The following PALM2AKAP2 variants were observed in gnomAD, a reference collection of about 807,000 sequenced individuals.
PALM2AKAP2 encodes PALM2-AKAP2 fusion protein.
PALM2AKAP2 carries 37 observed loss-of-function variants against 71.5 expected under a neutral mutation model. That is an observed-to-expected ratio of 0.52 (90% CI 0.40 to 0.68). The LOEUF is 0.68. Among genes scored for constraint, PALM2AKAP2 ranks in the 30% least tolerant of loss-of-function variants. PALM2AKAP2 has a pLI of 0.00. For missense variants in PALM2AKAP2, 1,224 were observed against 1,191.8 expected, an observed-to-expected ratio of 1.03 and a Z score of -0.40; for synonymous variants, 468 against 478.8, an observed-to-expected ratio of 0.98 and a Z score of 0.29.
chr9:110,139,185 G>A (rs1197331043), intron 2 of PALM2AKAP2, among the ~76,000 whole-genome samples: 2 of 152,200 alleles, frequency 1.3e-5, no homozygotes, highest in African/African-American at 2.4e-5. Context: ...CTTCACAAAG[G>A]CAGGTCTTTA....
chr9:109,796,690 G>A (rs1479024053), intron 1 of PALM2AKAP2, among the ~76,000 whole-genome samples: 2 of 151,394 alleles, frequency 1.3e-5, no homozygotes, highest in African/African-American at 4.8e-5. Flanking sequence ...GGCAACAGGT[G>A]AGAGAGATCA....
chr9:109,966,353 A>T (rs1831948616), intron 6 of PALM2AKAP2, among the ~76,000 whole-genome samples: 1 of 152,244 alleles, frequency 6.6e-6, no homozygotes, highest in Non-Finnish European at 1.5e-5. Flanking sequence ...ATCAAGGAAG[A>T]GGTGGCAAAG....
intron 3 of PALM2AKAP2, 82 bp from the exon 4 acceptor site, chr9:109,923,653 C>A: frequency 7.0e-7 from 1 of 1,420,478 alleles, no homozygotes; most frequent in South Asian, 1.4e-5. Context: ...AGGTACAAAT[C>A]GCCCAACAGG....
At chr9:109,795,823 A>G (rs1486226027) in intron 1 of PALM2AKAP2, among the ~76,000 whole-genome samples, 1 of 152,176 alleles carries the variant, frequency 6.6e-6, no homozygotes, top group Non-Finnish European at 1.5e-5. Context: ...AGCCTTGTGT[A>G]TTTGTTAGGG....
At chr9:110,145,610 T>A (rs1003175331) in intron 2 of PALM2AKAP2, among the ~76,000 whole-genome samples, 4 of 152,070 alleles carry the variant, frequency 2.6e-5, no homozygotes, top group Non-Finnish European at 4.4e-5. Context: ...TACGTACTGT[T>A]CTCCTTGCCT....
chr9:110,159,481 G>A (rs1439197979), intron 3 of PALM2AKAP2, among the ~76,000 whole-genome samples: 1 of 152,186 alleles, frequency 6.6e-6, no homozygotes, highest in Non-Finnish European at 1.5e-5. Context: ...CCATGTGTTT[G>A]CCCATCGAAA....
chr9:109,933,962 C>T (rs1831166884), intron 6 of PALM2AKAP2, among the ~76,000 whole-genome samples: 1 of 152,164 alleles, frequency 6.6e-6, no homozygotes, highest in Admixed American at 6.5e-5. Context: ...AGATACAGTC[C>T]ATCTTGCTTT....
At chr9:110,061,177 C>T (rs943447085) in intron 1 of PALM2AKAP2, among the ~76,000 whole-genome samples, 10 of 152,228 alleles carry the variant, frequency 6.6e-5, no homozygotes, top group Middle Eastern at 3.4e-3. Context: ...TTTCAAAGTC[C>T]GCCTGAAAAT....
chr9:109,676,509 C>T (rs574783199), intron 1 of PALM2AKAP2, among the ~76,000 whole-genome samples: 7 of 152,216 alleles, frequency 4.6e-5, no homozygotes, highest in East Asian at 1.9e-4. Context: ...ATTTTATCAT[C>T]GTTGAGACTT....
chr9:110,135,164 A>AAATATATATATATATATAT, intron 1 of PALM2AKAP2, among the ~76,000 whole-genome samples: 1 of 51,718 alleles, frequency 1.9e-5, no homozygotes, highest in African/African-American at 7.3e-5. Context: ...AAAAAAAAAA[A>AAATATATATATATATATAT]ATATATAAAT....
intron 7 of PALM2AKAP2, among the ~76,000 whole-genome samples, chr9:110,030,129 A>G (rs1833253897): frequency 6.6e-6 from 1 of 152,250 alleles, no homozygotes; most frequent in South Asian, 2.1e-4. Flanking sequence ...AGAGAAAATT[A>G]CACACAATGG....
At chr9:109,671,212 T>G (rs940628713) in intron 1 of PALM2AKAP2, among the ~76,000 whole-genome samples, 4 of 152,244 alleles carry the variant, frequency 2.6e-5, no homozygotes, top group African/African-American at 9.6e-5. Context: ...ATTGCCAGGT[T>G]GTCTTCTAGA....
intron 6 of PALM2AKAP2, among the ~76,000 whole-genome samples, chr9:109,932,520 C>T (rs540369337): frequency 2.0e-5 from 3 of 152,314 alleles, no homozygotes; most frequent in Non-Finnish European, 4.4e-5. Flanking sequence ...TATTTCTTAG[C>T]CACTGTGGTA....
In PALM2AKAP2 at chr9:109,912,407, G is replaced by A. The variant is rs1275389975; in HGVS notation, c.258-11328G>A. On this transcript the variant is annotated intron_variant, in intron 3 of 9. Coordinates refer to the PALM2AKAP2 transcript ENST00000302798. ...TCATAAGGAAAAGTGGAAATCCTCT[G>A]TTTACTTAAGGGCCATTAACATGTT... is the stretch of plus-strand genomic sequence containing the variant. 2.0e-5 allele frequency among the ~76,000 whole-genome samples: 3 copies of A among 152,026 alleles called. No individual in the cohort carries two copies. In the East Asian group the frequency reaches 5.8e-4, roughly 29 times the overall value.
intron 6 of PALM2AKAP2, among the ~76,000 whole-genome samples, chr9:109,992,396 A>G (rs1266332819): frequency 1.3e-5 from 2 of 152,174 alleles, no homozygotes; most frequent in Non-Finnish European, 2.9e-5. Flanking sequence ...AGGGGTTAAG[A>G]TTTCAAAATA....
At chr9:109,800,527 G>A (rs972582979) in intron 1 of PALM2AKAP2, among the ~76,000 whole-genome samples, 1 of 152,132 alleles carries the variant, frequency 6.6e-6, no homozygotes, top group East Asian at 1.9e-4. Context: ...CTCACATGTT[G>A]CCACCCTTTG....
intron 3 of PALM2AKAP2, among the ~76,000 whole-genome samples, chr9:109,918,801 T>A (rs552928866): frequency 6.6e-6 from 1 of 152,360 alleles, no homozygotes; most frequent in Non-Finnish European, 1.5e-5. Context: ...AATCTGCTAT[T>A]GGATCTGACA....
intron 1 of PALM2AKAP2, among the ~76,000 whole-genome samples, chr9:109,857,756 T>C (rs1486872017): frequency 6.6e-6 from 1 of 152,234 alleles, no homozygotes; most frequent in East Asian, 1.9e-4. Context: ...GTTTAGGTTG[T>C]TTCATCCATA....
chr9:109,847,114 C>G (rs1828877310), intron 1 of PALM2AKAP2, among the ~76,000 whole-genome samples: 1 of 148,850 alleles, frequency 6.7e-6, no homozygotes, highest in Non-Finnish European at 1.5e-5. Flanking sequence ...ATGTGTGTGA[C>G]CTTATTTGGA....
Sources: gnomAD v4.1 joint callset for allele counts (sites outside exome capture counted in the v4.1 genomes callset) on GRCh38, gnomAD v4.1.1 for gene constraint, MANE v1.5 for transcripts, NCBI Gene and HGNC (gene_info 2026-07-23, HGNC 2026-07-21) for gene names.